Variants in BRCA1 observed in about 807,000 individuals in gnomAD.
BRCA1 encodes BRCA1 DNA repair associated.
In BRCA1, 140 loss-of-function variants were observed where a neutral mutation model predicts 173.7. The ratio of observed to expected loss-of-function variants is 0.81; its 90% CI spans 0.70 to 0.93. BRCA1 has a LOEUF of 0.93. Among genes scored for constraint, BRCA1 ranks in the 40% least tolerant of loss-of-function variants. The pLI, the probability that BRCA1 is intolerant of heterozygous loss-of-function variation, is 0.00. For missense variants in BRCA1, 1,983 were observed against 2,172.5 expected (o/e 0.91, Z 1.73); for synonymous variants, 662 against 756.0 (o/e 0.88, Z 2.04).
intron 1 of BRCA1, among the ~76,000 whole-genome samples, chr17:43,131,919 G>T (rs1177299306): frequency 6.6e-6 from 1 of 152,034 alleles, no homozygotes; most frequent in Non-Finnish European, 1.5e-5. Flanking sequence ...AAGTAGCTGG[G>T]ACTACAGGCA....
chr17:43,099,242 C>A (rs574081834), intron 7 of BRCA1, among the ~76,000 whole-genome samples: 1 of 151,798 alleles, frequency 6.6e-6, no homozygotes, highest in African/African-American at 2.4e-5. Flanking sequence ...CATATTTACA[C>A]ATATTTAAAA....
chr17:43,165,824 A>G (rs1013757955), intron 1 of BRCA1: 5 of 151,484 alleles, frequency 3.3e-5, no homozygotes, highest in African/African-American at 4.8e-5. Context: ...TACTATATAC[A>G]TGTTACACTG....
intron 14 of BRCA1, among the ~76,000 whole-genome samples, chr17:43,072,023 T>A (rs1244202218): frequency 2.0e-5 from 3 of 149,942 alleles, no homozygotes; most frequent in Admixed American, 6.7e-5. Context: ...AATAAATAAA[T>A]AAAAATAAAT....
In BRCA1 at chr17:43,093,163, T is replaced by C. The variant is rs41286298; in HGVS notation, c.2368A>G (p.Thr790Ala). The C allele has an allele frequency of 7.0e-5, 113 of 1,613,726 alleles. No homozygotes were observed. In the African/African-American group the frequency reaches 1.3e-3, roughly 19 times the overall value. ...GGTTCTGTTTTTGCCTTCCCTAGAG[T>C]GCTAACTTCCAGTAACGAGATACTT... Reference protein sequence around the residue: ...QESISLLEVSTLGKAKTEPNK... With the variant: ...QESISLLEVSALGKAKTEPNK... Residue 790 changes from threonine to alanine, a missense_variant, in exon 10 of 23, where the codon ACT (threonine) becomes GCT (alanine). Physicochemically the swap from Thr to Ala is moderately conservative, Grantham distance 58. Coordinates refer to ENST00000357654, the MANE Select transcript of BRCA1 (RefSeq NM_007294.4).
In BRCA1 at chr17:43,093,647, A is replaced by G. The variant is rs80357495; in HGVS notation, c.1884T>C (p.Ser628=). 6.2e-7 allele frequency: 1 copy of G among 1,614,060 alleles called. No homozygotes were observed. Among genetic ancestry groups the G allele is most frequent in the South Asian group, 1.1e-5 (1 of 91,086 alleles). ...TACAATTAGGTGGGCTTAGATTTCT[A>G]CTGACTACTAGTTCAAGCGCATGAA... ...RHIHALELVV[S]RNLSPPNCTE... is the part of the protein sequence containing the mutation. The change falls in exon 10 of 23, where the codon AGT becomes AGC. Residue 628 remains serine (S), a synonymous_variant. Coordinates refer to ENST00000357654, the MANE Select transcript of BRCA1 (RefSeq NM_007294.4).
rs571076745 is a variant in BRCA1 at position 43,147,079 on chromosome 17, A to C, written c.-19-22964T>G. 9.9e-4 allele frequency among the ~76,000 whole-genome samples: 150 copies of C among 151,550 alleles called. 1 individual carries two copies. Among genetic ancestry groups the C allele is most frequent in the Non-Finnish European group, 5.2e-4 (35 of 67,928 alleles). On this transcript the variant is annotated intron_variant, in intron 1 of 7. Transcript: ENST00000634433. ...GAGTGCAATGGCGTGATCTCGGCTCACCGCAACCTCTGCCTCCTGGGTTCA... is the reference window on the plus strand; with the variant it reads ...GAGTGCAATGGCGTGATCTCGGCTCCCCGCAACCTCTGCCTCCTGGGTTCA...
rs1280758219 is a variant in BRCA1 at position 43,056,088 on chromosome 17, C to T, written c.5277+964G>A. 3.9e-5 allele frequency among the ~76,000 whole-genome samples: 6 copies of T among 152,062 alleles called. No individual in the cohort carries two copies. In the East Asian group the frequency reaches 1.2e-3, roughly 29 times the overall value. On this transcript the variant is annotated intron_variant, in intron 19 of 22. Transcript: ENST00000357654. ...CACATCTGTAATATAGGCATAATTA[C>T]AGTACATAGCTCATAGAGTTGTCAT...
At chr17:43,070,311 C>T (rs1489033605) in intron 15 of BRCA1, among the ~76,000 whole-genome samples, 1 of 151,982 alleles carries the variant, frequency 6.6e-6, no homozygotes, top group Non-Finnish European at 1.5e-5. Context: ...TGTCTGAAAT[C>T]CACAAATAGC....
intron 1 of BRCA1, chr17:43,138,312 G>A (rs773181350): frequency 4.4e-5 from 16 of 362,080 alleles, no homozygotes; most frequent in Non-Finnish European, 7.2e-5. Flanking sequence ...TATGGCCTGC[G>A]GACCGCTCAG....
At chr17:43,086,802 G>A (rs1448363497) in intron 11 of BRCA1, among the ~76,000 whole-genome samples, 1 of 152,200 alleles carries the variant, frequency 6.6e-6, no homozygotes, top group Non-Finnish European at 1.5e-5. Context: ...ATTGCAAAGA[G>A]AGAAAAGGCC....
At position 43,093,819 on chromosome 17, in the gene BRCA1, A is replaced by G. The variant is rs80357159; in HGVS notation, c.1712T>C (p.Ile571Thr). 31 of 1,613,480 alleles carry G rather than the reference A, an allele frequency of 1.9e-5. No homozygotes were observed. The highest frequency in any genetic ancestry group is 5.0e-5 in the Admixed American group (3 of 59,910). The change falls in exon 10 of 23, where the codon ATA becomes ACA. Residue 571 changes from isoleucine (I) to threonine (T), a missense_variant. Coordinates refer to ENST00000357654, the MANE Select transcript of BRCA1 (RefSeq NM_007294.4). Reference sequence around the variant, plus strand: ...AGCAGATTCTTTTTCGAGTGATTCTATTGGGTTAGGATTTTTCTCATTCTG... The same window carrying G: ...AGCAGATTCTTTTTCGAGTGATTCTGTTGGGTTAGGATTTTTCTCATTCTG... ...SIQNEKNPNP[I>T]ESLEKESAFK...
chr17:43,068,687 T>G (rs2052257342), intron 15 of BRCA1, among the ~76,000 whole-genome samples: 1 of 152,200 alleles, frequency 6.6e-6, no homozygotes, highest in South Asian at 2.1e-4. Context: ...CTACACTTTA[T>G]AAGCTGAGAG....
chr17:43,118,379 TTTTC>T (rs1218888687), intron 2 of BRCA1, among the ~76,000 whole-genome samples: 5 of 152,064 alleles, frequency 3.3e-5, no homozygotes, highest in Admixed American at 3.3e-4. Flanking sequence ...GTCTTTTTAA[TTTTC>T]TTTTTTTTTT....
chr17:43,049,056 T>G lies in BRCA1; in HGVS notation c.5406+65A>C, dbSNP rs1325470549. 4.3e-5 allele frequency: 64 copies of G among 1,495,336 alleles called. No homozygotes were observed. The highest frequency in any genetic ancestry group is 5.9e-5 in the Non-Finnish European group (63 of 1,075,856). 92.6% of individuals were successfully genotyped at this position (1,495,336 alleles called of 1,614,324 possible). A position where few individuals can be genotyped will look rare whatever the true frequency, so the allele number is the denominator to read the frequency against. ...AGGGGCATCCATAGGGACTGACAGG[T>G]GCCAGTCTTGCTCACAGGAGAGAAT... On this transcript the variant is annotated intron_variant, in intron 21 of 22. Coordinates refer to ENST00000357654, the MANE Select transcript of BRCA1 (RefSeq NM_007294.4).
rs80357411 is a variant in BRCA1 at position 43,071,175 on chromosome 17, G to T, written c.4739C>A (p.Ser1580Tyr). The T allele has an allele frequency of 6.2e-7, 1 of 1,614,232 alleles. No individual in the cohort carries two copies. Among genetic ancestry groups the T allele is most frequent in the Non-Finnish European group, 8.5e-7 (1 of 1,180,044 alleles). Residue 1580 changes from serine to tyrosine, a missense_variant, in exon 15 of 23, where the codon TCT becomes TAT. Ser to Tyr is a moderately radical substitution (Grantham distance 144). Coordinates refer to ENST00000357654, the MANE Select transcript of BRCA1 (RefSeq NM_007294.4). ...AGCTGACTCTGGGGCTCTGTCTTCA[G>T]AAGGATCAGATTCAGGGTCATCAGA... Reference protein sequence around the residue: ...LFSDDPESDPSEDRAPESARV... With the variant: ...LFSDDPESDPYEDRAPESARV...
intron 3 of BRCA1, among the ~76,000 whole-genome samples, chr17:43,108,924 C>T (rs1254430660): frequency 6.6e-6 from 1 of 151,788 alleles, no homozygotes; most frequent in Non-Finnish European, 1.5e-5. Context: ...ACCCGGGAGG[C>T]GGAGGTTGCA....
chr17:43,123,899 A>T, intron 2 of BRCA1, 118 bp downstream of exon 2: 1 of 804,826 alleles, frequency 1.2e-6, no homozygotes, highest in Admixed American at 2.2e-5. Context: ...CAGCAATTAC[A>T]ATAGCCTAAT....
intron 1 of BRCA1, chr17:43,140,096 G>T (rs564095824): frequency 8.6e-6 from 3 of 350,632 alleles, no homozygotes; most frequent in South Asian, 4.4e-5. Context: ...ATCCTCTGGG[G>T]TGGGGAGCAG....
chr17:43,118,450 C>A (rs1194705814), intron 2 of BRCA1, among the ~76,000 whole-genome samples: 6 of 151,782 alleles, frequency 4.0e-5, no homozygotes, highest in Admixed American at 3.9e-4. Context: ...CATCTCGGCT[C>A]TCTGTAACCT....
Sources: gnomAD v4.1 joint callset for allele counts (sites outside exome capture counted in the v4.1 genomes callset) on GRCh38, gnomAD v4.1.1 for gene constraint, MANE v1.5 for transcripts, NCBI Gene and HGNC (gene_info 2026-07-23, HGNC 2026-07-21) for gene names.